Variants in KCNB2 observed in about 807,000 individuals in gnomAD.
The protein encoded by KCNB2 is delayed rectifier potassium channel protein.
Under a neutral mutation model 61.5 loss-of-function variants are expected in KCNB2, and 15 were observed. That is an observed-to-expected ratio of 0.24 (90% CI 0.16 to 0.38). KCNB2 has a LOEUF of 0.38. Ranked by LOEUF, KCNB2 falls within the 10% of genes least tolerant of loss-of-function variation. The pLI is 1.00. For missense variants in KCNB2, 828 were observed against 1,125.2 expected, an observed-to-expected ratio of 0.74 and a Z score of 3.78; for synonymous variants, 457 against 446.0, an observed-to-expected ratio of 1.02 and a Z score of -0.31.
At chr8:72,928,195 T>TTTC (rs1806694354) in intron 2 of KCNB2, among the ~76,000 whole-genome samples, 2 of 146,216 alleles carry the variant, frequency 1.4e-5, no homozygotes, top group Non-Finnish European at 3.0e-5. Context: ...TTCTTTCTTT[T>TTTC]TTTTTTTTTT....
intron 2 of KCNB2, among the ~76,000 whole-genome samples, chr8:72,744,445 A>G (rs1268129094): frequency 6.6e-6 from 1 of 152,224 alleles, no homozygotes; most frequent in African/African-American, 2.4e-5. Context: ...TGTAAAGCCC[A>G]TGTCATCACA....
chr8:72,931,589 G>C (rs1353276080), intron 2 of KCNB2, among the ~76,000 whole-genome samples: 3 of 152,090 alleles, frequency 2.0e-5, no homozygotes, highest in Non-Finnish European at 4.4e-5. Flanking sequence ...TCATGATTTG[G>C]CTCTCTGTTT....
chr8:72,700,622 T>A (rs1201146537), intron 2 of KCNB2, among the ~76,000 whole-genome samples: 1 of 152,136 alleles, frequency 6.6e-6, no homozygotes, highest in Non-Finnish European at 1.5e-5. Flanking sequence ...AGGGAACACT[T>A]ATACACTGTT....
At position 72,936,673 on chromosome 8, in the gene KCNB2, C is replaced by G. The variant is rs146080562; in HGVS notation, c.1318C>G (p.Leu440Val). 3.7e-6 allele frequency: 6 copies of G among 1,614,044 alleles called. No homozygotes were observed. The African/African-American group carries it at 6.7e-5, about 18-fold the overall frequency. The change falls in exon 3 of 3, where the codon CTT becomes GTT. Residue 440 changes from leucine to valine, a missense_variant. Leu to Val is a conservative substitution (Grantham distance 32). Transcript: ENST00000523207. The surrounding 1 kb of genome is among the most constrained non-coding windows in gnomAD (Gnocchi z 5.6). Reference protein sequence around the residue: ...QEKAIKRREALERAKRNGSIV... With the variant: ...QEKAIKRREAVERAKRNGSIV... Reference sequence around the variant, plus strand: ...GAAAGCAATTAAAAGGAGGGAGGCTCTTGAGCGGGCCAAAAGGAACGGAAG... The same window carrying G: ...GAAAGCAATTAAAAGGAGGGAGGCTGTTGAGCGGGCCAAAAGGAACGGAAG...
intron 2 of KCNB2, among the ~76,000 whole-genome samples, chr8:72,588,847 G>T (rs1190643436): frequency 6.6e-6 from 1 of 152,146 alleles, no homozygotes; most frequent in Admixed American, 6.6e-5. Flanking sequence ...TGTGAACTAT[G>T]ATGGCACCAC....
intron 2 of KCNB2, among the ~76,000 whole-genome samples, chr8:72,614,441 T>C (rs1293123533): frequency 1.3e-5 from 2 of 152,142 alleles, no homozygotes; most frequent in African/African-American, 4.8e-5. Context: ...GGTTTTTAAA[T>C]TGGAAACTCA....
chr8:72,762,802 T>A (rs537335750), intron 2 of KCNB2, among the ~76,000 whole-genome samples: 76 of 151,554 alleles, frequency 5.0e-4, no homozygotes, highest in African/African-American at 1.8e-3. Flanking sequence ...TGTTTCTCCA[T>A]TTGAGCACTG....
chr8:72,737,431 A>G (rs1299676476), intron 2 of KCNB2, among the ~76,000 whole-genome samples: 1 of 152,230 alleles, frequency 6.6e-6, no homozygotes, highest in East Asian at 1.9e-4. Context: ...GCTTGTAAAC[A>G]TGGCTACTTA....
At chr8:72,696,507 G>A (rs1484119750) in intron 2 of KCNB2, among the ~76,000 whole-genome samples, 1 of 152,116 alleles carries the variant, frequency 6.6e-6, no homozygotes, top group Middle Eastern at 3.2e-3. Flanking sequence ...GGGTTATGAT[G>A]TGGCTAGACC....
At chr8:72,817,544 C>T (rs1563393833) in intron 2 of KCNB2, among the ~76,000 whole-genome samples, 2 of 152,154 alleles carry the variant, frequency 1.3e-5, no homozygotes, top group African/African-American at 2.4e-5. Context: ...GTCATCATTT[C>T]TCAACTTCTT....
Position 72,567,718 on chromosome 8 carries a change from G to A in KCNB2, c.-17G>A. 1.3e-6 allele frequency: 2 copies of A among 1,524,700 alleles called. No homozygotes were observed. Among genetic ancestry groups the A allele is most frequent in the Admixed American group, 2.1e-5 (1 of 47,578 alleles). 94.4% of individuals were successfully genotyped at this position (1,524,700 alleles called of 1,614,324 possible). ...ATTTTTTAAGGACCCTGGCTCTGCG[G>A]CTTTGTCCAGTTCAAAATGGCAGAA... is the stretch of plus-strand genomic sequence containing the variant. On this transcript the variant is annotated 5_prime_UTR_variant, in exon 2 of 3. Transcript: ENST00000523207.
At chr8:72,575,455 A>G (rs1420040641) in intron 2 of KCNB2, among the ~76,000 whole-genome samples, 2 of 152,038 alleles carry the variant, frequency 1.3e-5, no homozygotes, top group Non-Finnish European at 2.9e-5. Flanking sequence ...CCACTTTTAT[A>G]TTTTATAGAC....
intron 2 of KCNB2, among the ~76,000 whole-genome samples, chr8:72,694,946 A>C (rs1806994954): frequency 6.6e-6 from 1 of 152,040 alleles, no homozygotes; most frequent in South Asian, 2.1e-4. Context: ...TCCTCTGACA[A>C]CAAGGGCACC....
At chr8:72,633,847 T>C (rs979586503) in intron 2 of KCNB2, among the ~76,000 whole-genome samples, 2 of 152,296 alleles carry the variant, frequency 1.3e-5, no homozygotes, top group Admixed American at 1.3e-4. Context: ...AACTGTGATA[T>C]AAACGTACCC....
intron 2 of KCNB2, among the ~76,000 whole-genome samples, chr8:72,716,370 T>A (rs1182016065): frequency 6.6e-6 from 1 of 152,096 alleles, no homozygotes; most frequent in East Asian, 1.9e-4. Context: ...AAAAGAGAAT[T>A]TTAGACCAAT....
At chr8:72,752,223 C>A (rs1808202513) in intron 2 of KCNB2, among the ~76,000 whole-genome samples, 1 of 152,066 alleles carries the variant, frequency 6.6e-6, no homozygotes, top group African/African-American at 2.4e-5. Context: ...ATAAAGCCAC[C>A]ATGAAAGATG....
Position 72,662,288 on chromosome 8 carries a change from T to C in KCNB2, c.579+93975T>C, listed in dbSNP as rs954031728. On this transcript the variant is annotated intron_variant, in intron 2 of 2. Coordinates refer to ENST00000523207, the MANE Select transcript of KCNB2 (RefSeq NM_004770.3). The stretch of plus-strand genomic sequence containing the variant: ...GGCCCTGACCCTGCTTTTCAGGAAC[T>C]CAGTGGCCACAACAGATTGTAGAGG... 2.6e-5 allele frequency among the ~76,000 whole-genome samples: 4 copies of C among 152,210 alleles called. No individual in the cohort carries two copies. The East Asian group carries it at 7.8e-4, about 30-fold the overall frequency.
At chr8:72,593,999 C>A (rs1007658749) in intron 2 of KCNB2, among the ~76,000 whole-genome samples, 2 of 151,762 alleles carry the variant, frequency 1.3e-5, no homozygotes, top group African/African-American at 4.8e-5. Flanking sequence ...TCACTTAACT[C>A]AACAGTAATT....
intron 2 of KCNB2, among the ~76,000 whole-genome samples, chr8:72,569,642 A>C (rs1321188571): frequency 6.6e-6 from 1 of 152,004 alleles, no homozygotes; most frequent in Non-Finnish European, 1.5e-5. Flanking sequence ...GTAAAAAAAA[A>C]ATGTGCCGCA....
Sources: gnomAD v4.1 joint callset for allele counts (sites outside exome capture counted in the v4.1 genomes callset) on GRCh38, gnomAD v4.1.1 for gene constraint, Gnocchi (gnomAD v3.1) non-coding constraint, MANE v1.5 for transcripts, NCBI Gene and HGNC (gene_info 2026-07-23, HGNC 2026-07-21) for gene names.